Variants in CEP135 observed in about 807,000 individuals in gnomAD.
The protein encoded by CEP135 is centrosomal protein of 135 kDa.
A neutral mutation model predicts 157.3 loss-of-function variants in CEP135; 142 were observed. That is an observed-to-expected ratio of 0.90 (90% CI 0.79 to 1.04). CEP135 has a LOEUF of 1.04. Among genes scored for constraint, CEP135 ranks in the 50% least tolerant of loss-of-function variants. The probability of loss-of-function intolerance (pLI) is 0.00; values close to 1 mark genes in which losing one functional copy is unlikely to be tolerated. For synonymous variants in CEP135, 396 were observed against 439.8 expected (o/e 0.90, Z 1.25); for missense variants, 1,317 against 1,309.2 (o/e 1.01, Z -0.09).
At position 55,952,144 on chromosome 4, in the gene CEP135, TAGAG is replaced by T; in HGVS notation, c.18_21del (p.Arg7SerfsTer18). On this transcript the variant is annotated frameshift_variant, in exon 2 of 26. Transcript: ENST00000257287. LOFTEE classifies it high-confidence loss of function. ...TTAGAAGACGAGATGACTACAGCTG[TAGAG>T]AGAAAGTATATTAATATTAGGAAAA... The T allele has an allele frequency of 6.2e-7, 1 of 1,603,082 alleles. No homozygotes were observed. The highest frequency in any genetic ancestry group is 8.5e-7 in the Non-Finnish European group (1 of 1,170,328).
At position 56,033,156 on chromosome 4, in the gene CEP135, T is replaced by G. The variant is rs916244145; in HGVS notation, c.*1808T>G. 1.3e-5 allele frequency: 2 copies of G among 152,130 alleles called. No individual in the cohort carries two copies. Among genetic ancestry groups the G allele is most frequent in the Non-Finnish European group, 1.5e-5 (1 of 68,010 alleles). 9.4% of individuals were successfully genotyped at this position (152,130 alleles called of 1,614,324 possible). On this transcript the variant is annotated 3_prime_UTR_variant, in exon 26 of 26. Transcript: ENST00000257287. ...CCAAAAGCAACAGCAAGACATATTT[T>G]GTTAGATATTTTATTTTTAATGTTT...
chr4:55,964,418 A>G lies in CEP135; in HGVS notation c.828+16A>G. ...AAATATTCAGGTAATGGCTTTTATA[A>G]TTATTTCACTGAGTGTATATAATGG... On this transcript the variant is annotated intron_variant, in intron 7 of 25. Transcript: ENST00000257287. 1 of 1,573,952 alleles carries G rather than the reference A, an allele frequency of 6.4e-7. No homozygotes were observed.
rs1455912243 is a variant in CEP135 at position 56,031,706 on chromosome 4, T to A, written c.*358T>A. On this transcript the variant is annotated 3_prime_UTR_variant, in exon 26 of 26. Coordinates refer to ENST00000257287, the MANE Select transcript of CEP135 (RefSeq NM_025009.5). ...CTGTTTATTAATAAGCCATGATATG[T>A]GTATGTAAATATTCTTACAGTACTT... The A allele has an allele frequency of 6.6e-6, 1 of 152,204 alleles. No homozygotes were observed. The highest frequency in any genetic ancestry group is 2.4e-5 in the African/African-American group (1 of 41,460). The allele number at this position is 152,204 out of a possible 1,614,324, so 9.4% of individuals were successfully genotyped here.
At chr4:56,017,206 T>A (rs754354320) in intron 21 of CEP135, among the ~76,000 whole-genome samples, 1 of 152,128 alleles carries the variant, frequency 6.6e-6, no homozygotes. Flanking sequence ...ATTATCCAGG[T>A]ATATAGTTTT....
chr4:55,957,249 A>G lies in CEP135; in HGVS notation c.499A>G (p.Arg167Gly). The G allele has an allele frequency of 1.2e-6, 2 of 1,613,772 alleles. No homozygotes were observed. The highest frequency in any genetic ancestry group is 1.7e-6 in the Non-Finnish European group (2 of 1,179,932). ...PGGKKRSIAF[R>G]RQRMQIDEPV... Reference sequence around the variant, plus strand: ...TGGCAAGAAAAGAAGTATTGCTTTCAGGCGCCAGCGTATGCAAATTGATGA... The same window carrying G: ...TGGCAAGAAAAGAAGTATTGCTTTCGGGCGCCAGCGTATGCAAATTGATGA... The change falls in exon 5 of 26, where the codon AGG becomes GGG. Residue 167 changes from arginine to glycine, a missense_variant. Arg to Gly is a moderately radical substitution (Grantham distance 125). Transcript: ENST00000257287.
intron 15 of CEP135, among the ~76,000 whole-genome samples, chr4:55,992,301 G>A (rs1380797862): frequency 6.6e-6 from 1 of 152,148 alleles, no homozygotes; most frequent in African/African-American, 2.4e-5. Context: ...TAGGTTTTGG[G>A]TATCTGTGTT....
intron 25 of CEP135, among the ~76,000 whole-genome samples, chr4:56,031,132 T>TAAA (rs1049347987): frequency 1.5e-4 from 22 of 146,696 alleles, no homozygotes; most frequent in Non-Finnish European, 2.9e-4. Context: ...ACCCTATCTC[T>TAAA]AAATAAATAA....
chr4:55,995,208 G>A (rs189338516), intron 15 of CEP135, among the ~76,000 whole-genome samples: 1 of 152,142 alleles, frequency 6.6e-6, no homozygotes, highest in Non-Finnish European at 1.5e-5. Flanking sequence ...TTATTCCCCT[G>A]GAGCATGCTA....
intron 3 of CEP135, 65 bp downstream of exon 3, chr4:55,953,340 G>A: frequency 8.4e-7 from 1 of 1,190,950 alleles, no homozygotes; most frequent in African/African-American, 1.6e-5. Flanking sequence ...AGAAGGAAAA[G>A]CTAACGTCTA....
chr4:55,975,241 A>G (rs909361851), intron 11 of CEP135, among the ~76,000 whole-genome samples: 1 of 152,230 alleles, frequency 6.6e-6, no homozygotes, highest in African/African-American at 2.4e-5. Context: ...TCCAGTACTC[A>G]TATTGTTGGA....
At chr4:55,976,638 A>G (rs992911310) in intron 11 of CEP135, among the ~76,000 whole-genome samples, 1 of 152,198 alleles carries the variant, frequency 6.6e-6, no homozygotes, top group African/African-American at 2.4e-5. Context: ...CAAAGAATTT[A>G]TTTTCTAGAG....
rs73820220 is a variant in CEP135 at position 55,970,304 on chromosome 4, A to T, written c.1111-966A>T. Among the ~76,000 whole-genome samples the T allele has an allele frequency of 2.6e-3, 403 of 152,372 alleles. 3 individuals are homozygous for T. Among genetic ancestry groups the T allele is most frequent in the African/African-American group, 9.2e-3 (381 of 41,586 alleles). The stretch of plus-strand genomic sequence containing the variant: ...CCTAAATGTAGCATACAGAAAAAGC[A>T]TATAGTCCTATAGTCTGCAACTAGC... On this transcript the variant is annotated intron_variant, in intron 9 of 25. Transcript: ENST00000257287.
intron 12 of CEP135, among the ~76,000 whole-genome samples, chr4:55,980,577 CT>C (rs922667366): frequency 4.7e-4 from 72 of 152,286 alleles, no homozygotes; most frequent in African/African-American, 1.7e-3. Context: ...CAGCCTGACT[CT>C]GAGCCAAATT....
chr4:55,965,844 G>A lies in CEP135; in HGVS notation c.1029G>A (p.Glu343=), dbSNP rs745920718. The part of the protein sequence containing the change: ...KEEVLETADK[E]LGEAKKEIKR... ...AAGTGCTTGAGACTGCTGATAAAGA[G>A]CTTGGGGAAGCAAAGGTAATGAATG... is the stretch of plus-strand genomic sequence containing the variant. The change falls in exon 8 of 26, where the codon GAG becomes GAA. Residue 343 remains glutamate (E), a synonymous_variant. Coordinates refer to ENST00000257287, the MANE Select transcript of CEP135 (RefSeq NM_025009.5). 3 of 1,612,576 alleles carry A rather than the reference G, an allele frequency of 1.9e-6. No individual in the cohort carries two copies. Among genetic ancestry groups the A allele is most frequent in the Non-Finnish European group, 2.5e-6 (3 of 1,179,104 alleles).
At chr4:55,959,817 A>T (rs1173090045) in intron 6 of CEP135, 51 bp downstream of exon 6, 1 of 1,354,890 alleles carries the variant, frequency 7.4e-7, no homozygotes, top group South Asian at 1.2e-5. Context: ...GTATGCTGTG[A>T]TTGTAAATAG....
At chr4:56,028,931 G>A (rs993124802) in intron 25 of CEP135, among the ~76,000 whole-genome samples, 2 of 152,054 alleles carry the variant, frequency 1.3e-5, no homozygotes, top group East Asian at 3.9e-4. Context: ...CCTTCCCCTC[G>A]ACTTCAGATG....
rs544941803 is a variant in CEP135 at position 55,972,985 on chromosome 4, C to T, written c.1249+1577C>T. On this transcript the variant is annotated intron_variant, in intron 10 of 25. Coordinates refer to ENST00000257287, the MANE Select transcript of CEP135 (RefSeq NM_025009.5). The stretch of plus-strand genomic sequence containing the variant: ...GGCGGAGGTTGCAGTGAGCCGAGAT[C>T]GCACCCTTGTACTCCAGCCTGGGCA... Among the ~76,000 whole-genome samples, 31 of 152,030 alleles carry T rather than the reference C, an allele frequency of 2.0e-4. No individual in the cohort carries two copies. In the East Asian group the frequency reaches 5.2e-3, roughly 26 times the overall value.
rs145420508 is a variant in CEP135, at chr4:55,953,131, G to C, written c.160G>C (p.Ala54Pro). 2 of 1,605,476 alleles carry C rather than the reference G, an allele frequency of 1.2e-6. No homozygotes were observed. The highest frequency in any genetic ancestry group is 1.3e-5 in the African/African-American group (1 of 74,346). Residue 54 changes from alanine (A) to proline (P), a missense_variant, in exon 3 of 26, where the codon GCT (alanine) becomes CCT (proline). Physicochemically the swap from Ala to Pro is conservative, Grantham distance 27. Coordinates refer to ENST00000257287, the MANE Select transcript of CEP135 (RefSeq NM_025009.5). ...GAGCCTTCGGCAATCAAAATTATCT[G>C]CTGTGAAAGCTGAAAAAGAAAGTGC... ...TESLRQSKLS[A>P]VKAEKESANF...
At position 55,953,187 on chromosome 4, in the gene CEP135, AC is replaced by A; in HGVS notation, c.217del (p.Glu74LysfsTer5). The A allele has an allele frequency of 6.2e-7, 1 of 1,606,836 alleles. No homozygotes were observed. The highest frequency in any genetic ancestry group is 8.5e-7 in the Non-Finnish European group (1 of 1,177,828). ...NFDFVLEPYK[L>X]ENARLSRENN... ...TTGATTTTGTTTTGGAACCCTATAA[AC>A]TTGAAAATGCAAGATTGAGTAGAGA... On this transcript the variant is annotated frameshift_variant, in exon 3 of 26. Transcript: ENST00000257287. LOFTEE classifies it high-confidence loss of function.
Sources: allele counts gnomAD v4.1 joint callset (sites outside exome capture counted in the v4.1 genomes callset), GRCh38; gene constraint gnomAD v4.1.1; transcripts MANE v1.5; gene names NCBI Gene and HGNC (gene_info 2026-07-23, HGNC 2026-07-21).